Variants in AKR7A3 observed in about 807,000 individuals in gnomAD.
AKR7A3 encodes the protein aldo-keto reductase family 7 member A3.
In AKR7A3, 37 loss-of-function variants were observed where a neutral mutation model predicts 32.5. That is an observed-to-expected ratio of 1.14 (90% CI 0.88 to 1.50). The LOEUF is 1.50. Among genes scored for constraint, AKR7A3 ranks in the 40% most tolerant of loss-of-function variants. AKR7A3 has a pLI of 0.00. For missense variants in AKR7A3, 412 were observed against 453.2 expected (o/e 0.91, Z 0.83); for synonymous variants, 177 against 188.4 (o/e 0.94, Z 0.50).
At chr1:19,286,974 G>A (rs1298869311) in intron 1 of AKR7A3, among the ~76,000 whole-genome samples, 1 of 151,560 alleles carries the variant, frequency 6.6e-6, no homozygotes, top group Non-Finnish European at 1.5e-5. Context: ...GACAAAGAAG[G>A]ATTAAAAAAG....
chr1:19,277,409 AACATG>A, the AKR7A3 span, among the ~76,000 whole-genome samples: 3 of 151,960 alleles, frequency 2.0e-5, no homozygotes, highest in Admixed American at 6.5e-5. Flanking sequence ...TTAAAGTAAA[AACATG>A]ACATGTCAAA....
In AKR7A3 at chr1:19,285,014, G is replaced by T; in HGVS notation, c.604+4C>A. 1.2e-6 allele frequency: 2 copies of T among 1,612,400 alleles called. No homozygotes were observed. The highest frequency in any genetic ancestry group is 1.7e-6 in the Non-Finnish European group (2 of 1,179,860). Reference sequence around the variant, plus strand: ...TGAGACAGGGCCAGGAATGCTCCACGTACCAGCCAGAGGGTTGAAGGCATA... The same window carrying T: ...TGAGACAGGGCCAGGAATGCTCCACTTACCAGCCAGAGGGTTGAAGGCATA... On this transcript the variant is annotated splice_donor_region_variant and intron_variant, in intron 4 of 6. Transcript: ENST00000361640.
intron 1 of AKR7A3, among the ~76,000 whole-genome samples, chr1:19,288,295 A>G (rs1189891725): frequency 6.6e-6 from 1 of 151,626 alleles, no homozygotes; most frequent in Non-Finnish European, 1.5e-5. Context: ...AACAGAAGAG[A>G]AGACGAGAGA....
chr1:19,279,928 T>A (rs1054204070), downstream of AKR7A3, among the ~76,000 whole-genome samples: 5 of 104,814 alleles, frequency 4.8e-5, no homozygotes, highest in African/African-American at 2.4e-4. Context: ...TTTCTTGTGA[T>A]TTTTTTTTTT....
At chr1:19,279,989 C>T (rs1192913904), downstream of AKR7A3, among the ~76,000 whole-genome samples, 1 of 145,064 alleles carries the variant, frequency 6.9e-6, no homozygotes, top group Non-Finnish European at 1.5e-5. Context: ...CGGCCCAAGA[C>T]AATTCTTCTT....
rs757287437 is a variant in AKR7A3, at chr1:19,284,141, G to A, written c.705-16C>T. 1.3e-5 allele frequency: 21 copies of A among 1,601,150 alleles called. No individual in the cohort carries two copies. Among genetic ancestry groups the A allele is most frequent in the African/African-American group, 9.4e-5 (7 of 74,260 alleles). ...CTTCCAGTAGCTGGGAAGGGGGGAC[G>A]GTGGCACAGGTGTCAGGGCCACATT... On this transcript the variant is annotated splice_polypyrimidine_tract_variant and intron_variant, in intron 5 of 6. Transcript: ENST00000361640.
At chr1:19,277,279 A>C in the AKR7A3 span, among the ~76,000 whole-genome samples, 4,352 of 152,028 alleles carry the variant, frequency 0.029, 110 homozygotes, top group South Asian at 0.041. Flanking sequence ...TAGAAGAAAA[A>C]GGAAAAATAG....
At chr1:19,281,735 CA>C (rs1209775418), downstream of AKR7A3, among the ~76,000 whole-genome samples, 1 of 152,018 alleles carries the variant, frequency 6.6e-6, no homozygotes, top group Admixed American at 6.5e-5. Context: ...TCATTTTAAG[CA>C]ATTGAATTTT....
chr1:19,287,868 C>G (rs1447442566), intron 1 of AKR7A3, among the ~76,000 whole-genome samples: 1 of 152,188 alleles, frequency 6.6e-6, no homozygotes, highest in African/African-American at 2.4e-5. Context: ...GAGCCTCCCA[C>G]AGAGAGGGCA....
intron 1 of AKR7A3, among the ~76,000 whole-genome samples, chr1:19,287,190 C>T (rs1385439204): frequency 6.6e-6 from 1 of 151,272 alleles, no homozygotes; most frequent in Non-Finnish European, 1.5e-5. Flanking sequence ...TGTAGTAGTC[C>T]CAGCTACTCA....
intron 3 of AKR7A3, 76 bp downstream of exon 3, chr1:19,285,812 G>T: frequency 6.4e-7 from 1 of 1,568,756 alleles, no homozygotes; most frequent in Non-Finnish European, 8.8e-7. Context: ...GGCACAGGGG[G>T]CAGTCAGAGG....
chr1:19,281,827 T>C (rs1250286353), downstream of AKR7A3, among the ~76,000 whole-genome samples: 6 of 151,982 alleles, frequency 3.9e-5, no homozygotes, highest in Admixed American at 3.9e-4. Flanking sequence ...TTTGGAGCTT[T>C]ACATTTTCAC....
Position 19,288,436 on chromosome 1 carries a change from A to C in AKR7A3, c.214+60T>G, listed in dbSNP as rs2093734879. ...GGGGCCAGGGAGAGCGGGGCGGTACACGGCTGTGGACAGGCTCAGCTCTGC... is the reference window on the plus strand; with the variant it reads ...GGGGCCAGGGAGAGCGGGGCGGTACCCGGCTGTGGACAGGCTCAGCTCTGC... On this transcript the variant is annotated intron_variant, in intron 1 of 6. Coordinates refer to ENST00000361640, the MANE Select transcript of AKR7A3 (RefSeq NM_012067.3). The C allele has an allele frequency of 1.9e-6, 3 of 1,572,652 alleles. No individual in the cohort carries two copies. The East Asian group carries it at 7.0e-5, about 37-fold the overall frequency.
At chr1:19,276,329 C>T in the AKR7A3 span, among the ~76,000 whole-genome samples, 1 of 143,138 alleles carries the variant, frequency 7.0e-6, no homozygotes, top group Non-Finnish European at 1.5e-5. Context: ...CCACTGCAGT[C>T]CAGACTAGGT....
the AKR7A3 span, among the ~76,000 whole-genome samples, chr1:19,275,956 C>A: frequency 6.6e-6 from 1 of 151,936 alleles, no homozygotes; most frequent in African/African-American, 2.4e-5. Flanking sequence ...AATAATAGAA[C>A]TTAAGAAGAA....
chr1:19,276,410 A>G, the AKR7A3 span, among the ~76,000 whole-genome samples: 1 of 151,372 alleles, frequency 6.6e-6, no homozygotes, highest in South Asian at 2.1e-4. Flanking sequence ...AAGTCCATAT[A>G]AACAACATGA....
intron 6 of AKR7A3, among the ~76,000 whole-genome samples, chr1:19,283,695 G>A (rs1231054705): frequency 6.6e-6 from 1 of 151,890 alleles, no homozygotes; most frequent in Admixed American, 6.5e-5. Context: ...GCTGGGCATG[G>A]TGGCGCACGC....
In AKR7A3 at chr1:19,284,024, C is replaced by T. The variant is rs766240270; in HGVS notation, c.806G>A (p.Arg269Gln). ...CAGCTGTGAGTGGTGGTACATCCAC[C>T]GGAGGGTGGCCGAGGTCATGCTGGG... ...SAPSMTSATL[R>Q]WMYHHSQLQG... Residue 269 changes from arginine to glutamine, a missense_variant, in exon 6 of 7, where the codon CGG (arginine) becomes CAG (glutamine). By Grantham distance (43) the Arg-to-Gln change is conservative. Coordinates refer to ENST00000361640, the MANE Select transcript of AKR7A3 (RefSeq NM_012067.3). 15 of 1,613,402 alleles carry T rather than the reference C, an allele frequency of 9.3e-6. No individual in the cohort carries two copies. The South Asian group carries it at 9.9e-5, about 11-fold the overall frequency.
chr1:19,284,997 G>A (rs1428360888), intron 4 of AKR7A3, 21 bp downstream of exon 4: 3 of 1,611,998 alleles, frequency 1.9e-6, no homozygotes, highest in Non-Finnish European at 1.7e-6. Flanking sequence ...GCTGAGACAG[G>A]GCCAGGAATG....
Sources: gnomAD v4.1 joint callset for allele counts (sites outside exome capture counted in the v4.1 genomes callset) on GRCh38, gnomAD v4.1.1 for gene constraint, MANE v1.5 for transcripts, NCBI Gene and HGNC (gene_info 2026-07-23, HGNC 2026-07-21) for gene names.